The following CHODL variants were observed in gnomAD, a reference collection of about 807,000 sequenced individuals.
CHODL encodes chondrolectin.
Under a neutral mutation model 34.5 loss-of-function variants are expected in CHODL, and 29 were observed. The ratio of observed to expected loss-of-function variants is 0.84; its 90% CI spans 0.63 to 1.15. The LOEUF (loss-of-function observed/expected upper bound fraction) is 1.15, where lower values mean the gene tolerates loss of function less well. Ranked by LOEUF, CHODL falls within the 50% of genes most tolerant of loss-of-function variation. The pLI is 0.00. For missense variants in CHODL, 332 were observed against 332.5 expected, an observed-to-expected ratio of 1.00 and a Z score of 0.01; for synonymous variants, 125 against 116.1, an observed-to-expected ratio of 1.08 and a Z score of -0.49.
chr21:17,928,263 C>T (rs1322434075), intron 1 of CHODL, among the ~76,000 whole-genome samples: 1 of 152,140 alleles, frequency 6.6e-6, no homozygotes, highest in Non-Finnish European at 1.5e-5. Context: ...TTTATAGTCT[C>T]CCTGGAGTTC....
intron 2 of CHODL, among the ~76,000 whole-genome samples, chr21:18,049,596 G>A (rs1487572387): frequency 6.6e-6 from 1 of 151,930 alleles, no homozygotes; most frequent in African/African-American, 2.4e-5. Flanking sequence ...GTAAGTCTGA[G>A]GTCAAGTGAG....
At chr21:18,119,452 A>G (rs2065453252) in intron 2 of CHODL, among the ~76,000 whole-genome samples, 1 of 152,168 alleles carries the variant, frequency 6.6e-6, no homozygotes, top group Non-Finnish European at 1.5e-5. Flanking sequence ...TCACAGTGCT[A>G]ACCGTGGGAG....
chr21:17,980,571 G>A (rs950488131), intron 1 of CHODL, among the ~76,000 whole-genome samples: 7 of 152,306 alleles, frequency 4.6e-5, no homozygotes, highest in Admixed American at 4.6e-4. Flanking sequence ...GTTGTAGTTG[G>A]AGGAGAGAGA....
rs1203743940 is a variant in CHODL, at chr21:18,262,813, T to C, written c.657T>C (p.Tyr219=). 1.9e-6 allele frequency: 3 copies of C among 1,599,514 alleles called. No homozygotes were observed. The African/African-American group carries it at 4.0e-5, about 21-fold the overall frequency. ...TEAGIIPNLI[Y]VVIPTIPLLL... ...TAGGTATAATTCCCAATCTAATTTA[T>C]GTTGTTATACCAACAATACCCCTGC... Residue 219 remains tyrosine, a synonymous_variant, in exon 5 of 6, where the codon TAT becomes TAC. Transcript: ENST00000299295.
chr21:18,069,704 C>G (rs1485644301), intron 2 of CHODL, among the ~76,000 whole-genome samples: 1 of 152,088 alleles, frequency 6.6e-6, no homozygotes, highest in Non-Finnish European at 1.5e-5. Flanking sequence ...GGTAAAATTA[C>G]TTTTTCCTAA....
At position 18,137,745 on chromosome 21, in the gene CHODL, C is replaced by T. The variant is rs182241657; in HGVS notation, c.-45+109774C>T. Among the ~76,000 whole-genome samples, 197 of 152,196 alleles carry T rather than the reference C, an allele frequency of 1.3e-3. 2 individuals carry two copies. The highest frequency in any genetic ancestry group is 4.3e-3 in the African/African-American group (178 of 41,524). ...AACAACGATGGTATATAGATGCATGCGTATGTGTATATATGCTTTCTTTTA... is the reference window on the plus strand; with the variant it reads ...AACAACGATGGTATATAGATGCATGTGTATGTGTATATATGCTTTCTTTTA... On this transcript the variant is annotated intron_variant, in intron 2 of 6. Transcript: ENST00000400127.
rs150109210 is a variant in CHODL, at chr21:17,919,712, A to G, written c.-145+2312A>G. 7.9e-3 allele frequency among the ~76,000 whole-genome samples: 1,210 copies of G among 152,230 alleles called. 18 individuals are homozygous for G. Among genetic ancestry groups the G allele is most frequent in the African/African-American group, 0.027 (1,122 of 41,530 alleles). ...TATGCAAATTTATGCAGCCAGCTTG[A>G]ATTTCTCCTCAGAAAATGGGATTTT... On this transcript the variant is annotated intron_variant, in intron 1 of 6. Transcript: ENST00000400127.
At chr21:18,215,412 G>C (rs1225712053) in intron 2 of CHODL, among the ~76,000 whole-genome samples, 2 of 152,090 alleles carry the variant, frequency 1.3e-5, no homozygotes, top group Non-Finnish European at 2.9e-5. Context: ...CTAATAATAA[G>C]ATCAAACATA....
chr21:18,111,448 C>T (rs2065349583), intron 2 of CHODL, among the ~76,000 whole-genome samples: 1 of 152,140 alleles, frequency 6.6e-6, no homozygotes, highest in African/African-American at 2.4e-5. Flanking sequence ...TGGGACTCTA[C>T]TAGTATTTGA....
At chr21:17,935,689 C>T (rs909985843) in intron 1 of CHODL, among the ~76,000 whole-genome samples, 5 of 152,036 alleles carry the variant, frequency 3.3e-5, no homozygotes, top group African/African-American at 1.2e-4. Context: ...AGCAGTGTAT[C>T]CTGATATATT....
intron 2 of CHODL, among the ~76,000 whole-genome samples, chr21:18,091,593 A>G (rs1182902249): frequency 6.6e-6 from 1 of 152,112 alleles, no homozygotes; most frequent in Non-Finnish European, 1.5e-5. Context: ...CTCCCAGACA[A>G]CGTGCATCTT....
upstream of CHODL, among the ~76,000 whole-genome samples, chr21:18,242,909 T>C (rs2074095515): frequency 6.6e-6 from 1 of 152,202 alleles, no homozygotes; most frequent in Non-Finnish European, 1.5e-5. Context: ...TTGGGCCTAC[T>C]GATATATAGG....
chr21:18,057,780 C>T (rs1046071104), intron 2 of CHODL, among the ~76,000 whole-genome samples: 1 of 151,868 alleles, frequency 6.6e-6, no homozygotes, highest in Non-Finnish European at 1.5e-5. Context: ...GCTTTCTTAT[C>T]AACCTGCTTT....
At chr21:18,146,522 A>C (rs949830288) in intron 2 of CHODL, among the ~76,000 whole-genome samples, 4 of 151,888 alleles carry the variant, frequency 2.6e-5, no homozygotes, top group African/African-American at 9.7e-5. Flanking sequence ...TTTGCTCAGC[A>C]CTTCTCTCTC....
rs186768620 is a variant in CHODL, at chr21:18,209,631, G to C, written c.-44-46878G>C. ...TAACCATGACAGCTGGGACTGTGCT[G>C]GGTCACATCTGAAGCCAGCACAGCT... On this transcript the variant is annotated intron_variant, in intron 2 of 6. Coordinates refer to the CHODL transcript ENST00000400127. Among the ~76,000 whole-genome samples, 4 of 152,238 alleles carry C rather than the reference G, an allele frequency of 2.6e-5. No individual in the cohort carries two copies. The East Asian group carries it at 7.8e-4, about 30-fold the overall frequency.
intron 2 of CHODL, among the ~76,000 whole-genome samples, chr21:18,045,762 G>T (rs143071531): frequency 6.6e-6 from 1 of 152,012 alleles, no homozygotes; most frequent in African/African-American, 2.4e-5. Context: ...GAATGAACTA[G>T]TAATCTTACA....
intron 2 of CHODL, among the ~76,000 whole-genome samples, chr21:18,208,701 T>A (rs927914091): frequency 1.5e-4 from 23 of 152,150 alleles, no homozygotes; most frequent in African/African-American, 5.6e-4. Flanking sequence ...TGCAGCCATA[T>A]CTGCATTAGG....
chr21:18,022,813 A>C (rs1363956077), intron 1 of CHODL, among the ~76,000 whole-genome samples: 4 of 152,188 alleles, frequency 2.6e-5, no homozygotes, highest in Non-Finnish European at 2.9e-5. Flanking sequence ...TATTGTTCTA[A>C]ACTCCAATGA....
At chr21:18,024,535 CT>C (rs1200647266) in intron 1 of CHODL, 2 of 152,134 alleles carry the variant, frequency 1.3e-5, no homozygotes, top group Non-Finnish European at 2.9e-5. Flanking sequence ...CATTTTGCTT[CT>C]TTGCTTTCCT....
Sources: gnomAD v4.1 joint callset for allele counts (sites outside exome capture counted in the v4.1 genomes callset) on GRCh38, gnomAD v4.1.1 for gene constraint, MANE v1.5 for transcripts, NCBI Gene and HGNC (gene_info 2026-07-23, HGNC 2026-07-21) for gene names.